The following RORA variants were observed in gnomAD, a reference collection of about 807,000 sequenced individuals.
The protein encoded by RORA is RAR related orphan receptor A.
In RORA, 7 loss-of-function variants were observed where a neutral mutation model predicts 69.5. That is an observed-to-expected ratio of 0.10 (90% confidence interval 0.06 to 0.19). RORA has a LOEUF of 0.19. RORA is among the 10% of genes least tolerant of loss of function. The pLI is 1.00. For missense variants in RORA, 457 were observed against 663.0 expected (o/e 0.69, Z 3.41); for synonymous variants, 261 against 240.8 (o/e 1.08, Z -0.78).
chr15:60,547,393 G>C (rs924738316), intron 2 of RORA, among the ~76,000 whole-genome samples: 2 of 150,026 alleles, frequency 1.3e-5, no homozygotes, highest in Admixed American at 6.6e-5. Flanking sequence ...GCGTGATCTC[G>C]GCTCACTGCA....
At chr15:60,564,286 G>A (rs1271374238) in intron 2 of RORA, among the ~76,000 whole-genome samples, 1 of 152,206 alleles carries the variant, frequency 6.6e-6, no homozygotes, top group African/African-American at 2.4e-5. Context: ...AGTTAAAAGT[G>A]ATCATGCTTG....
chr15:60,934,567 T>C (rs1892467567), intron 1 of RORA, among the ~76,000 whole-genome samples: 1 of 152,150 alleles, frequency 6.6e-6, no homozygotes, highest in Non-Finnish European at 1.5e-5. Flanking sequence ...CTTGAACTAC[T>C]GGCCTCAAGC....
chr15:61,134,174 C>G (rs533851007), intron 1 of RORA, among the ~76,000 whole-genome samples: 4 of 151,848 alleles, frequency 2.6e-5, no homozygotes, highest in African/African-American at 7.3e-5. Flanking sequence ...TTATGTCCCT[C>G]CCTCAGAGTC....
In RORA at chr15:60,905,651, G is replaced by A. The variant is rs932229011; in HGVS notation, c.167-226965C>T. On this transcript the variant is annotated intron_variant, in intron 1 of 10. Transcript: ENST00000335670. This position sits in a 1 kb window ranked among gnomAD's most constrained non-coding sequence, Gnocchi z 4.8. ...AGGAAGTGATAAAGCCCTCAAGAGCGTCTGTATCTGCCCCGGTTCTGTCAG... is the reference window on the plus strand; with the variant it reads ...AGGAAGTGATAAAGCCCTCAAGAGCATCTGTATCTGCCCCGGTTCTGTCAG... 7.2e-5 allele frequency among the ~76,000 whole-genome samples: 11 copies of A among 152,196 alleles called. No homozygotes were observed. The highest frequency in any genetic ancestry group is 1.2e-4 in the African/African-American group (5 of 41,448).
intron 1 of RORA, among the ~76,000 whole-genome samples, chr15:61,124,480 G>A (rs930675683): frequency 1.3e-5 from 2 of 152,192 alleles, no homozygotes; most frequent in Non-Finnish European, 2.9e-5. Context: ...TCATCAGGAA[G>A]CTCAGGAGAC....
chr15:60,667,207 G>A (rs140293972), intron 2 of RORA, among the ~76,000 whole-genome samples: 9 of 152,260 alleles, frequency 5.9e-5, no homozygotes, highest in African/African-American at 2.2e-4. Context: ...CTTACTGTTG[G>A]TGTTCTGTTG....
intron 1 of RORA, among the ~76,000 whole-genome samples, chr15:61,046,616 G>A (rs1195040138): frequency 1.3e-5 from 2 of 152,292 alleles, no homozygotes; most frequent in East Asian, 3.9e-4. Context: ...AAGCAGCAAG[G>A]TGCCTCTGAC....
intron 1 of RORA, among the ~76,000 whole-genome samples, chr15:61,058,732 T>C (rs751326302): frequency 3.9e-5 from 6 of 152,188 alleles, no homozygotes; most frequent in Non-Finnish European, 7.3e-5. Flanking sequence ...CTTAACCAGA[T>C]AGAACACACT....
intron 1 of RORA, among the ~76,000 whole-genome samples, chr15:61,137,303 A>T (rs193287522): frequency 1.3e-5 from 2 of 152,348 alleles, no homozygotes; most frequent in Non-Finnish European, 2.9e-5. Flanking sequence ...TACAATACAG[A>T]CAATATCAGC....
At chr15:61,066,418 C>CCTTTTTTTTTT (rs2078258884) in intron 1 of RORA, among the ~76,000 whole-genome samples, 1 of 80,918 alleles carries the variant, frequency 1.2e-5, no homozygotes, top group African/African-American at 4.9e-5. Flanking sequence ...GGGCATATTC[C>CCTTTTTTTTTT]TTTTTTTTTT....
At chr15:60,739,123 A>G (rs1485305320) in intron 1 of RORA, among the ~76,000 whole-genome samples, 2 of 152,224 alleles carry the variant, frequency 1.3e-5, no homozygotes, top group Non-Finnish European at 1.5e-5. Context: ...GGAGGGGGAC[A>G]CAGTCCAACC....
In RORA at chr15:60,924,810, G is replaced by C. The variant is rs141098243; in HGVS notation, c.167-246124C>G. Reference sequence around the variant, plus strand: ...TAAAGGTAATCAGGCCAGGCACAGTGGCTCATGCCTGTAATCCCAGCACTT... The same window carrying C: ...TAAAGGTAATCAGGCCAGGCACAGTCGCTCATGCCTGTAATCCCAGCACTT... On this transcript the variant is annotated intron_variant, in intron 1 of 10. Transcript: ENST00000335670. Among the ~76,000 whole-genome samples the C allele has an allele frequency of 3.5e-3, 531 of 152,288 alleles. 4 individuals carry two copies. Among genetic ancestry groups the C allele is most frequent in the African/African-American group, 0.012 (506 of 41,558 alleles).
At chr15:60,829,975 C>A (rs952327926) in intron 1 of RORA, among the ~76,000 whole-genome samples, 3 of 152,148 alleles carry the variant, frequency 2.0e-5, no homozygotes, top group African/African-American at 7.2e-5. Flanking sequence ...ACAAATAGCT[C>A]TGAGTAATGA....
intron 1 of RORA, among the ~76,000 whole-genome samples, chr15:60,939,606 G>A (rs1434669712): frequency 6.6e-6 from 1 of 152,224 alleles, no homozygotes; most frequent in East Asian, 1.9e-4. Context: ...GCACAGGGCG[G>A]CCGTGTCGGC....
At chr15:60,522,157 T>A (rs185946225) in intron 3 of RORA, among the ~76,000 whole-genome samples, 2 of 152,340 alleles carry the variant, frequency 1.3e-5, no homozygotes, top group Admixed American at 1.3e-4. Context: ...AACTGATGCA[T>A]TCCTGACATA....
At chr15:61,208,941 A>G (rs1223404917) in intron 1 of RORA, among the ~76,000 whole-genome samples, 25 of 152,164 alleles carry the variant, frequency 1.6e-4, no homozygotes, top group Admixed American at 1.5e-3. Context: ...ATAACCCATG[A>G]TTTGGTTATT....
intron 2 of RORA, among the ~76,000 whole-genome samples, chr15:60,629,132 A>G (rs1596078319): frequency 6.9e-6 from 1 of 145,002 alleles, no homozygotes; most frequent in Admixed American, 6.9e-5. Flanking sequence ...GTCTCACAGC[A>G]CTCCGATTGT....
intron 2 of RORA, among the ~76,000 whole-genome samples, chr15:60,622,552 C>T (rs1203546253): frequency 6.6e-6 from 1 of 151,936 alleles, no homozygotes; most frequent in East Asian, 1.9e-4. Flanking sequence ...GTGGAGGTTG[C>T]AGTGAGGCGG....
At chr15:60,891,579 A>C (rs1001687180) in intron 1 of RORA, among the ~76,000 whole-genome samples, 1 of 152,210 alleles carries the variant, frequency 6.6e-6, no homozygotes, top group Admixed American at 6.5e-5. Flanking sequence ...ACCATCAGCC[A>C]GTAAGTAGGT....
Sources: gnomAD v4.1 joint callset for allele counts (sites outside exome capture counted in the v4.1 genomes callset) on GRCh38, gnomAD v4.1.1 for gene constraint, Gnocchi (gnomAD v3.1) non-coding constraint, MANE v1.5 for transcripts, NCBI Gene and HGNC (gene_info 2026-07-23, HGNC 2026-07-21) for gene names.